Variants in GLUD1 observed in about 807,000 individuals in gnomAD.
GLUD1 encodes glutamate dehydrogenase 1, mitochondrial.
In GLUD1, 22 loss-of-function variants were observed where a neutral mutation model predicts 56.0. The observed-to-expected ratio is 0.39, with a 90% CI of 0.28 to 0.56. The LOEUF is 0.56. Among genes scored for constraint, GLUD1 ranks in the 20% least tolerant of loss-of-function variants. The probability of loss-of-function intolerance (pLI) is 0.58; values close to 1 mark genes in which losing one functional copy is unlikely to be tolerated. For missense variants in GLUD1, 451 were observed against 732.0 expected, an observed-to-expected ratio of 0.62 and a Z score of 4.43; for synonymous variants, 223 against 269.9, an observed-to-expected ratio of 0.83 and a Z score of 1.70.
At chr10:87,076,678 T>C in intron 1 of GLUD1, 22 bp from the exon 2 acceptor site, 4 of 1,377,066 alleles carry the variant, frequency 2.9e-6, no homozygotes, top group Non-Finnish European at 4.2e-6. Context: ...TTTAAAAAAA[T>C]GTGTTGGGGT....
chr10:87,075,780 G>T lies in GLUD1; in HGVS notation c.582+188C>A, dbSNP rs188636331. On this transcript the variant is annotated intron_variant, in intron 3 of 12. Coordinates refer to ENST00000277865, the MANE Select transcript of GLUD1 (RefSeq NM_005271.5). ...CTACTAAAAATACAAAAATTAGTCG[G>T]GCATGGTGGCGTGCACCTGTAATCC... Among the ~76,000 whole-genome samples the T allele has an allele frequency of 2.6e-5, 4 of 152,246 alleles. No homozygotes were observed. In the East Asian group the frequency reaches 7.7e-4, roughly 29 times the overall value.
At chr10:87,062,165 G>A (rs1320586054) in intron 6 of GLUD1, among the ~76,000 whole-genome samples, 2 of 152,142 alleles carry the variant, frequency 1.3e-5, no homozygotes, top group Non-Finnish European at 2.9e-5. Flanking sequence ...TGATCCACCC[G>A]TCTTGGCCTC....
At chr10:87,066,279 G>C (rs1589364481) in intron 5 of GLUD1, among the ~76,000 whole-genome samples, 1 of 151,988 alleles carries the variant, frequency 6.6e-6, no homozygotes, top group Non-Finnish European at 1.5e-5. Context: ...TTGCAGTCCG[G>C]GCCCCTGTAG....
At chr10:87,090,988 G>A (rs906906247) in intron 1 of GLUD1, among the ~76,000 whole-genome samples, 18 of 151,976 alleles carry the variant, frequency 1.2e-4, no homozygotes, top group African/African-American at 3.9e-4. Context: ...CATTGACTCC[G>A]GTCTTCCCTT....
intron 3 of GLUD1, among the ~76,000 whole-genome samples, chr10:87,075,498 G>A (rs1381767665): frequency 6.6e-6 from 1 of 152,166 alleles, no homozygotes; most frequent in Admixed American, 6.5e-5. Context: ...GGCAAAACAC[G>A]CTATGAGTTA....
At chr10:87,074,102 G>A (rs773727880) in intron 4 of GLUD1, among the ~76,000 whole-genome samples, 6 of 151,992 alleles carry the variant, frequency 3.9e-5, no homozygotes, top group African/African-American at 1.4e-4. Flanking sequence ...TTCAGATTGT[G>A]CACAAAGAAA....
At chr10:87,065,680 T>C (rs1340422636) in intron 5 of GLUD1, among the ~76,000 whole-genome samples, 1 of 152,232 alleles carries the variant, frequency 6.6e-6, no homozygotes, top group East Asian at 1.9e-4. Flanking sequence ...ATATCGTTCC[T>C]GTTTTATTTC....
At chr10:87,066,604 A>G (rs1403820119) in intron 5 of GLUD1, among the ~76,000 whole-genome samples, 1 of 151,982 alleles carries the variant, frequency 6.6e-6, no homozygotes, top group Non-Finnish European at 1.5e-5. Context: ...ATGTCCACAC[A>G]CCCGTCTAAG....
At chr10:87,054,895 G>A (rs1188813534) in intron 11 of GLUD1, among the ~76,000 whole-genome samples, 1 of 152,212 alleles carries the variant, frequency 6.6e-6, no homozygotes, top group Non-Finnish European at 1.5e-5. Context: ...TGATCTATTC[G>A]AAGAGAGATG....
chr10:87,080,094 C>A (rs574033283), intron 1 of GLUD1, among the ~76,000 whole-genome samples: 10 of 152,002 alleles, frequency 6.6e-5, no homozygotes, highest in Middle Eastern at 6.8e-3. Flanking sequence ...CGCGCCGCCA[C>A]GCCTGACTGG....
At chr10:87,061,167 T>C (rs1845919456) in intron 6 of GLUD1, 115 bp from the exon 7 acceptor site, 1 of 1,048,454 alleles carries the variant, frequency 9.5e-7, no homozygotes, top group South Asian at 1.3e-5. Context: ...ATTCTCAAAA[T>C]TCTTTTGCCA....
At chr10:87,069,861 A>G (rs980047533) in intron 4 of GLUD1, among the ~76,000 whole-genome samples, 13 of 110,976 alleles carry the variant, frequency 1.2e-4, no homozygotes, top group Non-Finnish European at 2.3e-4. Context: ...CAATGACGAC[A>G]ACAACAACAA....
At chr10:87,081,309 T>A (rs2133842051) in intron 1 of GLUD1, among the ~76,000 whole-genome samples, 1 of 138,174 alleles carries the variant, frequency 7.2e-6, no homozygotes, top group African/African-American at 2.8e-5. Context: ...AGCCACCCCG[T>A]CCGGGAGGGA....
At chr10:87,075,224 C>T (rs929147959) in intron 3 of GLUD1, among the ~76,000 whole-genome samples, 2 of 152,112 alleles carry the variant, frequency 1.3e-5, no homozygotes, top group Non-Finnish European at 2.9e-5. Context: ...CTGAGCCTCC[C>T]GAGTAGCTGG....
chr10:87,074,480 T>C, intron 4 of GLUD1, 71 bp downstream of exon 4: 1 of 829,364 alleles, frequency 1.2e-6, no homozygotes, highest in Non-Finnish European at 2.1e-6. Flanking sequence ...AGAGTGAGAC[T>C]CCGTCTCAAA....
intron 12 of GLUD1, among the ~76,000 whole-genome samples, chr10:87,052,825 A>T (rs1845673979): frequency 1.3e-5 from 2 of 152,156 alleles, no homozygotes; most frequent in African/African-American, 4.8e-5. Flanking sequence ...AAAATTAACA[A>T]GAAAAACAAC....
At chr10:87,078,395 A>C (rs1222607080) in intron 1 of GLUD1, among the ~76,000 whole-genome samples, 1 of 151,948 alleles carries the variant, frequency 6.6e-6, no homozygotes, top group African/African-American at 2.4e-5. Flanking sequence ...TCTCACTCCC[A>C]CTTTCCTGCC....
chr10:87,067,127 G>A (rs1407538412), intron 5 of GLUD1, among the ~76,000 whole-genome samples: 1 of 152,236 alleles, frequency 6.6e-6, no homozygotes, highest in Non-Finnish European at 1.5e-5. Flanking sequence ...GGACACTGCT[G>A]CCAGCCTATT....
chr10:87,089,806 T>C, intron 1 of GLUD1: 1 of 678,868 alleles, frequency 1.5e-6, no homozygotes, highest in African/African-American at 1.9e-5. Context: ...GGGGAAAATA[T>C]TGATTCATTT....
Sources: gnomAD v4.1 joint callset for allele counts (sites outside exome capture counted in the v4.1 genomes callset) on GRCh38, gnomAD v4.1.1 for gene constraint, MANE v1.5 for transcripts, NCBI Gene and HGNC (gene_info 2026-07-23, HGNC 2026-07-21) for gene names.